MPP1: variants seen among roughly 807,000 people sequenced by gnomAD.
MPP1 encodes the protein MAGUK p55 scaffold protein 1.
In MPP1, 6 loss-of-function variants were observed where a neutral mutation model predicts 38.2. The ratio of observed to expected loss-of-function variants is 0.16; its 90% CI spans 0.09 to 0.31. The LOEUF is 0.31. MPP1 is among the 10% of genes least tolerant of loss of function. The pLI, the probability that MPP1 is intolerant of heterozygous loss-of-function variation, is 1.00. For missense variants in MPP1, 293 were observed against 368.9 expected (o/e 0.79, Z 1.69); for synonymous variants, 153 against 146.3 (o/e 1.05, Z -0.33).
In MPP1 at chrX:154,779,281, A is replaced by G. The variant is rs374639579; in HGVS notation, c.1297T>C (p.Ser433Pro). Residue 433 changes from serine to proline, a missense_variant, in exon 12 of 12, where the codon TCA (serine) becomes CCA (proline). Coordinates refer to ENST00000369534, the MANE Select transcript of MPP1 (RefSeq NM_002436.4). ...RSQYAHYFDL[S>P]LVNNGVDETL... The stretch of plus-strand genomic sequence containing the variant: ...TCATCAACACCATTATTGACCAGTG[A>G]GAGGTCAAAGTAGTGAGCGTACTGG... 8.3e-7 allele frequency: 1 copy of G among 1,211,553 alleles called. No homozygotes were observed. Among genetic ancestry groups the G allele is most frequent in the Non-Finnish European group, 1.1e-6 (1 of 895,253 alleles).
At chrX:154,804,215 G>C (rs1246643436) in intron 1 of MPP1, among the ~76,000 whole-genome samples, 1 of 111,797 alleles carries the variant, frequency 8.9e-6, no homozygotes, top group Non-Finnish European at 1.9e-5. Flanking sequence ...GCCTTATGTT[G>C]CAGGGACCTT....
intron 1 of MPP1, 66 bp from the exon 2 acceptor site, chrX:154,792,351 C>T: frequency 1.8e-6 from 2 of 1,118,740 alleles, no homozygotes; most frequent in Non-Finnish European, 2.4e-6. Context: ...AGTCCACAAT[C>T]TGCAATTCTA....
intron 1 of MPP1, among the ~76,000 whole-genome samples, chrX:154,798,488 C>A (rs1456327344): frequency 8.9e-6 from 1 of 112,381 alleles, no homozygotes; most frequent in Admixed American, 9.4e-5. Flanking sequence ...AAGGCATTAT[C>A]CTGACTGAAA....
chrX:154,797,247 G>A (rs1470086751), intron 1 of MPP1, among the ~76,000 whole-genome samples: 1 of 111,627 alleles, frequency 9.0e-6, no homozygotes, highest in Non-Finnish European at 1.9e-5. Context: ...GTTGGCTACC[G>A]ATCACCCTAT....
At chrX:154,799,447 C>T (rs2072237381) in intron 1 of MPP1, among the ~76,000 whole-genome samples, 1 of 112,171 alleles carries the variant, frequency 8.9e-6, no homozygotes, top group South Asian at 3.7e-4. Context: ...TTCAACTAGT[C>T]CCCATGTCTC....
chrX:154,801,425 T>C (rs1327634508), intron 1 of MPP1, among the ~76,000 whole-genome samples: 1 of 110,814 alleles, frequency 9.0e-6, no homozygotes, highest in Non-Finnish European at 1.9e-5. Flanking sequence ...AAGCAGATTC[T>C]TATCTGCAAG....
chrX:154,801,514 T>C (rs2072260648), intron 1 of MPP1, among the ~76,000 whole-genome samples: 1 of 110,004 alleles, frequency 9.1e-6, no homozygotes, highest in African/African-American at 3.3e-5. Flanking sequence ...ATCCCAGCAC[T>C]TTGGGAGGCC....
intron 5 of MPP1, 98 bp from the exon 6 acceptor site, chrX:154,786,498 G>A (rs1217605941): frequency 1.3e-6 from 1 of 754,382 alleles, no homozygotes; most frequent in Non-Finnish European, 1.9e-6. Flanking sequence ...AGGATGGAAT[G>A]AACAACAGGG....
chrX:154,785,212 C>T (rs1343863538), intron 6 of MPP1, 55 bp from the exon 7 acceptor site: 3 of 903,951 alleles, frequency 3.3e-6, no homozygotes, highest in Non-Finnish European at 4.5e-6. Context: ...CCTCATACCC[C>T]CCCCAGCCAC....
In MPP1 at chrX:154,784,786, TC is replaced by T. The variant is rs1557267007; in HGVS notation, c.784+264del. On this transcript the variant is annotated intron_variant, in intron 7 of 11. Transcript: ENST00000369534. ...CTGTGTTCTTGCCTCACTTCCCCTCTCCCACCACATCTACTTCTGTGTGAGG... is the reference window on the plus strand; with the variant it reads ...CTGTGTTCTTGCCTCACTTCCCCTCTCCACCACATCTACTTCTGTGTGAGG... The T allele has an allele frequency of 9.6e-6, 4 of 414,896 alleles. No individual in the cohort carries two copies. In the Admixed American group the frequency reaches 1.2e-4, roughly 12 times the overall value. The allele number at this position is 414,896 out of a possible 1,213,427, so 34.2% of individuals were successfully genotyped here.
chrX:154,799,821 C>G, intron 1 of MPP1: 1 of 1,165,957 alleles, frequency 8.6e-7, no homozygotes, highest in Non-Finnish European at 1.1e-6. Flanking sequence ...GCAATGCCTG[C>G]CGCTCTGAAA....
chrX:154,798,791 A>G (rs782022559), intron 1 of MPP1, among the ~76,000 whole-genome samples: 14 of 111,353 alleles, frequency 1.3e-4, no homozygotes, highest in East Asian at 2.8e-4. Flanking sequence ...CTGGAGTGCA[A>G]TGGCACGATC....
In MPP1 at chrX:154,784,038, C is replaced by G; in HGVS notation, c.855G>C (p.Leu285=). The stretch of plus-strand genomic sequence containing the variant: ...GCAATGAGAAGATACCGATCAGCAC[C>G]AGGGTCTTCCTCTTGAATGCAGGGA... The part of the protein sequence containing the change: ...VRLPAFKRKT[L]VLIGASGVGR... Residue 285 remains leucine, a synonymous_variant, in exon 8 of 12, where the codon CTG becomes CTC. Transcript: ENST00000369534. The G allele has an allele frequency of 2.5e-6, 3 of 1,209,412 alleles. No individual in the cohort carries two copies. Among genetic ancestry groups the G allele is most frequent in the Non-Finnish European group, 3.4e-6 (3 of 893,983 alleles).
At chrX:154,781,029 G>C (rs1411137726) in intron 11 of MPP1, among the ~76,000 whole-genome samples, 3 of 111,731 alleles carry the variant, frequency 2.7e-5, no homozygotes, top group African/African-American at 9.8e-5. Flanking sequence ...GGTTTGTTTT[G>C]TCCCTGTTAG....
At chrX:154,798,669 T>A (rs2072226016) in intron 1 of MPP1, among the ~76,000 whole-genome samples, 1 of 111,830 alleles carries the variant, frequency 8.9e-6, no homozygotes, top group Non-Finnish European at 1.9e-5. Context: ...GAGAGAGGCC[T>A]TTGTGGGGAT....
At chrX:154,796,379 C>A (rs782109730) in intron 1 of MPP1, among the ~76,000 whole-genome samples, 1 of 111,415 alleles carries the variant, frequency 9.0e-6, no homozygotes, top group East Asian at 2.8e-4. Context: ...GATCCACCTG[C>A]CTCGGCCTCC....
rs962149604 is a variant in MPP1 at position 154,792,749 on chromosome X, C to T, written c.103-464G>A. ...ATTTCCTTGAACAACCTGATGCTCT[C>T]GGTCACACAGCAATAAAGGTAATTC... On this transcript the variant is annotated intron_variant, in intron 1 of 11. Coordinates refer to ENST00000369534, the MANE Select transcript of MPP1 (RefSeq NM_002436.4). 5.4e-5 allele frequency among the ~76,000 whole-genome samples: 6 copies of T among 110,945 alleles called. No homozygotes were observed. In the East Asian group the frequency reaches 1.1e-3, roughly 21 times the overall value.
intron 1 of MPP1, chrX:154,799,710 T>C: frequency 8.8e-7 from 1 of 1,140,224 alleles, no homozygotes; most frequent in Non-Finnish European, 1.2e-6. Flanking sequence ...GGATGACTGC[T>C]GGGATTCAGG....
intron 1 of MPP1, among the ~76,000 whole-genome samples, chrX:154,801,361 T>A (rs916879808): frequency 3.6e-5 from 4 of 110,716 alleles, no homozygotes; most frequent in Non-Finnish European, 7.6e-5. Flanking sequence ...AACAAATGAG[T>A]TAGAAAAGAA....
Sources: gnomAD v4.1 joint callset for allele counts (sites outside exome capture counted in the v4.1 genomes callset) on GRCh38, gnomAD v4.1.1 for gene constraint, MANE v1.5 for transcripts, NCBI Gene and HGNC (gene_info 2026-07-23, HGNC 2026-07-21) for gene names.